The following RNPEP variants were observed in gnomAD, a reference collection of about 807,000 sequenced individuals.
RNPEP encodes the protein aminopeptidase B.
In RNPEP, 57 loss-of-function variants were observed where a neutral mutation model predicts 70.1. The observed-to-expected ratio is 0.81, with a 90% CI of 0.66 to 1.01. The LOEUF (loss-of-function observed/expected upper bound fraction) is 1.01, where lower values mean the gene tolerates loss of function less well. Among genes scored for constraint, RNPEP ranks in the 50% least tolerant of loss-of-function variants. RNPEP has a pLI of 0.00. For missense variants in RNPEP, 787 were observed against 852.4 expected (o/e 0.92, Z 0.96); for synonymous variants, 335 against 357.4 (o/e 0.94, Z 0.71).
At chr1:201,987,428 CTTT>C (rs200892295) in intron 1 of RNPEP, among the ~76,000 whole-genome samples, 176 of 111,916 alleles carry the variant, frequency 1.6e-3, no homozygotes, top group African/African-American at 5.2e-3. Flanking sequence ...TCAGATTTTA[CTTT>C]TTTTTTTTTT....
rs886990272 is a variant in RNPEP, at chr1:202,001,485, C to T, written c.1314C>T (p.Leu438=). Residue 438 remains leucine, a synonymous_variant, in exon 7 of 11, where the codon CTC becomes CTT. Transcript: ENST00000295640. Reference sequence around the variant, plus strand: ...ATCAGGATCAGTTTGACAGTTTTCTCAAGGTATAGTCACATGAGGGGAGAA... The same window carrying T: ...ATCAGGATCAGTTTGACAGTTTTCTTAAGGTATAGTCACATGAGGGGAGAA... ...VGDQDQFDSF[L]KAYVHEFKFR... The T allele has an allele frequency of 6.2e-7, 1 of 1,604,682 alleles. No homozygotes were observed. The highest frequency in any genetic ancestry group is 1.1e-5 in the South Asian group (1 of 90,898).
intron 1 of RNPEP, among the ~76,000 whole-genome samples, chr1:201,985,706 T>C (rs188432575): frequency 1.0e-3 from 154 of 152,316 alleles, no homozygotes; most frequent in Non-Finnish European, 1.7e-3. Context: ...TTAACCAAGA[T>C]TGAATCATTT....
chr1:201,992,752 A>C (rs1683388817), intron 3 of RNPEP, among the ~76,000 whole-genome samples: 1 of 152,182 alleles, frequency 6.6e-6, no homozygotes, highest in Non-Finnish European at 1.5e-5. Context: ...CTCTACTTCT[A>C]TAAGTGGGTA....
At chr1:201,988,469 A>C (rs577105781) in intron 1 of RNPEP, among the ~76,000 whole-genome samples, 5,953 of 151,354 alleles carry the variant, frequency 0.039, 456 homozygotes, top group African/African-American at 0.14. Flanking sequence ...AAAAAAAAAA[A>C]AAAAAAAAAA....
intron 2 of RNPEP, 38 bp from the exon 3 acceptor site, chr1:201,989,341 ACTCT>A (rs1447427440): frequency 3.1e-6 from 5 of 1,603,058 alleles, no homozygotes; most frequent in Non-Finnish European, 4.3e-6. Context: ...TCAAAAGGAA[ACTCT>A]CTCCAGGTAA....
intron 3 of RNPEP, 51 bp downstream of exon 3, chr1:201,989,582 G>A (rs927626451): frequency 2.5e-6 from 4 of 1,602,932 alleles, no homozygotes; most frequent in African/African-American, 2.7e-5. Context: ...CAGAGGTGAG[G>A]AGGACTCTGA....
chr1:202,004,495 A>G lies in RNPEP; in HGVS notation c.1793A>G (p.Gln598Arg). The G allele has an allele frequency of 3.7e-6, 6 of 1,613,440 alleles. No homozygotes were observed. Among genetic ancestry groups the G allele is most frequent in the Non-Finnish European group, 5.1e-6 (6 of 1,179,972 alleles). Residue 598 changes from glutamine to arginine, a missense_variant and splice_region_variant, in exon 10 of 11, where the codon CAG becomes CGG. By Grantham distance (43) the Gln-to-Arg change is conservative. Transcript: ENST00000295640. ...FWKVKEFLHN[Q>R]GKQKYTLPLY... ...AAAGTGAAGGAGTTCCTGCATAACC[A>G]GGTGGGTGACCCCTGCCTCGCTGTT...
chr1:201,996,475 G>GTGTGTGTA, intron 4 of RNPEP: 1 of 301,620 alleles, frequency 3.3e-6, no homozygotes, highest in Non-Finnish European at 5.7e-6. Context: ...TTGTGTGTGT[G>GTGTGTGTA]TGTGTGTGTG....
In RNPEP at chr1:201,988,984, G is replaced by T; in HGVS notation, c.528G>T (p.Arg176=). 1.2e-6 allele frequency: 2 copies of T among 1,614,088 alleles called. No individual in the cohort carries two copies. Among genetic ancestry groups the T allele is most frequent in the African/African-American group, 1.3e-5 (1 of 75,004 alleles). ...CCCAGGGCCAGGCTGTCCTAAACCG[G>T]GCCTTCTTCCCTTGCTTCGACACGC... The part of the protein sequence containing the change: ...VYTQGQAVLN[R]AFFPCFDTPA... The change falls in exon 2 of 11, where the codon CGG becomes CGT. Residue 176 remains arginine, a synonymous_variant. Transcript: ENST00000295640.
At chr1:201,999,369 T>C (rs1174166420) in intron 5 of RNPEP, among the ~76,000 whole-genome samples, 3 of 151,740 alleles carry the variant, frequency 2.0e-5, no homozygotes, top group South Asian at 2.1e-4. Context: ...TAAAGCCCCC[T>C]CTCTACTAAA....
rs1250594481 is a variant in RNPEP, at chr1:201,982,689, C to CAGG, written c.23_24insAGG (p.Gly9dup). 7.2e-7 allele frequency: 1 copy of CAGG among 1,392,420 alleles called. No individual in the cohort carries two copies. Among genetic ancestry groups the CAGG allele is most frequent in the Non-Finnish European group, 9.4e-7 (1 of 1,067,366 alleles). 86.3% of individuals were successfully genotyped at this position (1,392,420 alleles called of 1,614,324 possible). On this transcript the variant is annotated inframe_insertion, in exon 1 of 11. Coordinates refer to ENST00000295640, the MANE Select transcript of RNPEP (RefSeq NM_020216.4). ...GCCATGGCGAGCGGCGAGCATTCCC[C>CAGG]CGGCAGCGGCGCGGCCCGGCGGCCG...
chr1:201,983,892 T>G, intron 1 of RNPEP: 1 of 992,160 alleles, frequency 1.0e-6, no homozygotes, highest in African/African-American at 1.7e-5. Flanking sequence ...CAGGTAGAGT[T>G]GGTTGCAAGT....
chr1:201,989,512 T>G lies in RNPEP; in HGVS notation c.718T>G (p.Ser240Ala). 6.2e-7 allele frequency: 1 copy of G among 1,614,182 alleles called. No individual in the cohort carries two copies. Among genetic ancestry groups the G allele is most frequent in the Non-Finnish European group, 8.5e-7 (1 of 1,180,020 alleles). Residue 240 changes from serine to alanine, a missense_variant, in exon 3 of 11, where the codon TCG becomes GCG. Transcript: ENST00000295640. ...LIALAIGDLV[S>A]AEVGPRSRVW... ...AGCTTTGGCCATCGGAGATCTGGTT[T>G]CGGCTGAAGTTGGACCCAGGTAGGA...
chr1:201,989,644 G>C, intron 3 of RNPEP, 113 bp downstream of exon 3: 1 of 1,106,220 alleles, frequency 9.0e-7, no homozygotes, highest in Non-Finnish European at 1.3e-6. Flanking sequence ...CTCTGTCTGA[G>C]TCCAGAGCCT....
chr1:201,998,780 G>A (rs1274456700), intron 5 of RNPEP, among the ~76,000 whole-genome samples: 5 of 152,122 alleles, frequency 3.3e-5, no homozygotes, highest in African/African-American at 1.2e-4. Flanking sequence ...TCTAGGAAAG[G>A]GCAGAGCTGG....
intron 3 of RNPEP, 123 bp from the exon 4 acceptor site, chr1:201,996,024 C>A: frequency 2.8e-6 from 2 of 702,078 alleles, no homozygotes; most frequent in South Asian, 1.8e-5. Context: ...CACTCCGTCA[C>A]TGTGGCTGAC....
Position 202,001,415 on chromosome 1 carries a change from A to T in RNPEP, c.1244A>T (p.Glu415Val). 1 of 1,613,916 alleles carries T rather than the reference A, an allele frequency of 6.2e-7. No homozygotes were observed. The highest frequency in any genetic ancestry group is 8.5e-7 in the Non-Finnish European group (1 of 1,179,850). ...PDDTYNETPY[E>V]KGFCFVSYLA... ...GACACCTATAATGAGACCCCCTACG[A>T]GAAAGGTTTCTGCTTTGTTTCATAC... The change falls in exon 7 of 11, where the codon GAG (glutamate) becomes GTG (valine). Residue 415 changes from glutamate (E) to valine (V), a missense_variant. By Grantham distance (121) the Glu-to-Val change is moderately radical. Transcript: ENST00000295640.
rs985651586 is a variant in RNPEP, at chr1:201,989,064, G to T, written c.588+20G>T. On this transcript the variant is annotated intron_variant, in intron 2 of 10. Transcript: ENST00000295640. ...ATTGAGGTAAGGAGACTAAGGTTAG[G>T]TGCACCTGCCCTTGGGATGAAGAAA... 1 of 1,606,878 alleles carries T rather than the reference G, an allele frequency of 6.2e-7. No individual in the cohort carries two copies.
intron 1 of RNPEP, among the ~76,000 whole-genome samples, chr1:201,984,956 G>T (rs1335523797): frequency 2.0e-5 from 3 of 150,398 alleles, no homozygotes. Context: ...ACTTTGGGAG[G>T]CCAGGGCTGG....
Sources: allele counts gnomAD v4.1 joint callset (sites outside exome capture counted in the v4.1 genomes callset), GRCh38; gene constraint gnomAD v4.1.1; transcripts MANE v1.5; gene names NCBI Gene and HGNC (gene_info 2026-07-23, HGNC 2026-07-21).